The following OPRPN variants were observed in gnomAD, a reference collection of about 807,000 sequenced individuals.
The protein encoded by OPRPN is opiorphin prepropeptide.
OPRPN carries 1 observed loss-of-function variant against 2.2 expected under a neutral mutation model. The observed-to-expected ratio is 0.45, with a 90% CI of 0.16 to 2.15. OPRPN has a LOEUF of 2.15. OPRPN is among the 30% of genes most tolerant of loss of function. OPRPN has a pLI of 0.28. For missense variants in OPRPN, 306 were observed against 297.3 expected (o/e 1.03, Z -0.21); for synonymous variants, 126 against 111.5 (o/e 1.13, Z -0.82).
intron 2 of OPRPN, among the ~76,000 whole-genome samples, chr4:70,405,638 C>G (rs1347169656): frequency 2.6e-5 from 4 of 152,244 alleles, no homozygotes; most frequent in Non-Finnish European, 5.9e-5. Flanking sequence ...ACTTCCATGA[C>G]TTTTCAAACT....
Position 70,399,346 on chromosome 4 carries a change from C to A in OPRPN, c.51+10C>A. On this transcript the variant is annotated intron_variant, in intron 2 of 2. Transcript: ENST00000399575. ...TATTTCATGTTTCACAGTAAGTTCC[C>A]TCAATTCTAAATTTACTTGTTATAT... 1 of 1,571,136 alleles carries A rather than the reference C, an allele frequency of 6.4e-7. No individual in the cohort carries two copies. Among genetic ancestry groups the A allele is most frequent in the Non-Finnish European group, 8.7e-7 (1 of 1,144,414 alleles).
At chr4:70,399,397 A>C in intron 2 of OPRPN, 61 bp downstream of exon 2, 1 of 1,392,554 alleles carries the variant, frequency 7.2e-7, no homozygotes, top group Non-Finnish European at 1.0e-6. Context: ...ATTTCAAAGA[A>C]AGTTTTGATA....
At chr4:70,403,661 C>T (rs1733027683) in intron 2 of OPRPN, among the ~76,000 whole-genome samples, 2 of 152,050 alleles carry the variant, frequency 1.3e-5, no homozygotes. Flanking sequence ...CTATTACTTT[C>T]TCTCTTTTAA....
chr4:70,407,646 G>T (rs1733119170), intron 2 of OPRPN, among the ~76,000 whole-genome samples: 1 of 152,138 alleles, frequency 6.6e-6, no homozygotes, highest in African/African-American at 2.4e-5. Flanking sequence ...AATAAAGAAA[G>T]CTTCAAGGGT....
At chr4:70,406,307 A>G (rs189906450) in intron 2 of OPRPN, among the ~76,000 whole-genome samples, 15 of 152,338 alleles carry the variant, frequency 9.8e-5, no homozygotes, top group African/African-American at 3.6e-4. Context: ...TAAAGACACA[A>G]AGCTAAAGAA....
intron 1 of OPRPN, 37 bp downstream of exon 1, chr4:70,398,077 T>A (rs1411696666): frequency 6.6e-6 from 1 of 151,894 alleles, no homozygotes; most frequent in Non-Finnish European, 1.5e-5. Context: ...GAATTTTCAC[T>A]TCGGAATTCT....
At chr4:70,407,078 T>C (rs1012247690) in intron 2 of OPRPN, among the ~76,000 whole-genome samples, 5 of 152,270 alleles carry the variant, frequency 3.3e-5, no homozygotes, top group Admixed American at 1.3e-4. Context: ...TTACTCACAG[T>C]CCCTGTGTCC....
In OPRPN at chr4:70,399,161, C is replaced by A. The variant is rs866928130; in HGVS notation, c.-15-110C>A. ...ACACATCTTTAAAGGTTATGTTGGT[C>A]TTTCTTCATCATTTTACATAACAAG... On this transcript the variant is annotated intron_variant, in intron 1 of 2. Transcript: ENST00000399575. 24 of 660,562 alleles carry A rather than the reference C, an allele frequency of 3.6e-5. No individual in the cohort carries two copies. In the Middle Eastern group the frequency reaches 3.8e-3, roughly 105 times the overall value. The allele number at this position is 660,562 out of a possible 1,614,324, so 40.9% of individuals were successfully genotyped here.
intron 2 of OPRPN, among the ~76,000 whole-genome samples, chr4:70,401,507 T>G (rs1402484896): frequency 2.6e-5 from 4 of 152,124 alleles, no homozygotes; most frequent in Non-Finnish European, 5.9e-5. Context: ...ATATTTACAA[T>G]GTACTCTGGA....
chr4:70,399,468 C>T, intron 2 of OPRPN, 132 bp downstream of exon 2: 2 of 700,210 alleles, frequency 2.9e-6, no homozygotes, highest in South Asian at 4.1e-5. Context: ...TATGGACTTG[C>T]TCTTACTTTC....
At chr4:70,406,785 C>G (rs868492261) in intron 2 of OPRPN, among the ~76,000 whole-genome samples, 3 of 152,136 alleles carry the variant, frequency 2.0e-5, no homozygotes, top group Non-Finnish European at 4.4e-5. Context: ...GGGTTCCACT[C>G]ACAATATTTA....
At chr4:70,400,404 T>C (rs1044473369) in intron 2 of OPRPN, among the ~76,000 whole-genome samples, 6 of 151,992 alleles carry the variant, frequency 3.9e-5, no homozygotes, top group African/African-American at 1.4e-4. Flanking sequence ...CTGAAGCATA[T>C]AGTGCTATGT....
intron 2 of OPRPN, among the ~76,000 whole-genome samples, chr4:70,403,449 G>A (rs1328451489): frequency 6.6e-6 from 1 of 152,194 alleles, no homozygotes; most frequent in Non-Finnish European, 1.5e-5. Flanking sequence ...TACAGAGACA[G>A]TGAACAAGGC....
chr4:70,407,483 T>C (rs1733114918), intron 2 of OPRPN, among the ~76,000 whole-genome samples: 1 of 152,194 alleles, frequency 6.6e-6, no homozygotes, highest in Non-Finnish European at 1.5e-5. Context: ...TGAAATGACT[T>C]GGAATTTTTG....
intron 2 of OPRPN, among the ~76,000 whole-genome samples, chr4:70,408,226 T>A (rs536055758): frequency 6.6e-6 from 1 of 152,300 alleles, no homozygotes; most frequent in African/African-American, 2.4e-5. Flanking sequence ...AGGAGTTGAA[T>A]GTTGTAGGGG....
rs747669029 is a variant in OPRPN at position 70,409,858 on chromosome 4, C to A, written c.530C>A (p.Ser177Tyr). Residue 177 changes from serine to tyrosine, a missense_variant, in exon 3 of 3, where the codon TCC becomes TAC. Transcript: ENST00000399575. ...ACAAAACCCACAATGACGATCAGCT[C>A]CTCAACAGTACCTATCTCTTCAACA... ...TSTKPTMTISSSTVPISSTPE... is the reference protein window; with the variant it reads ...TSTKPTMTISYSTVPISSTPE... 6.2e-7 allele frequency: 1 copy of A among 1,613,468 alleles called. No individual in the cohort carries two copies.
rs185290575 is a variant in OPRPN at position 70,400,886 on chromosome 4, A to T, written c.51+1550A>T. Among the ~76,000 whole-genome samples, 61 of 152,142 alleles carry T rather than the reference A, an allele frequency of 4.0e-4. 1 individual carries two copies. The highest frequency in any genetic ancestry group is 3.7e-3 in the Admixed American group (56 of 15,234). On this transcript the variant is annotated intron_variant, in intron 2 of 2. Transcript: ENST00000399575. ...TTCAGACTTTATACAATAGATTAGAAGGTAAAGAAAGATCCATGATCAAGT... is the reference window on the plus strand; with the variant it reads ...TTCAGACTTTATACAATAGATTAGATGGTAAAGAAAGATCCATGATCAAGT...
intron 2 of OPRPN, among the ~76,000 whole-genome samples, chr4:70,406,809 A>G (rs1306931563): frequency 2.6e-5 from 4 of 152,108 alleles, no homozygotes; most frequent in Non-Finnish European, 5.9e-5. Context: ...TTGCATTTTT[A>G]GGGCTGCCTT....
intron 2 of OPRPN, among the ~76,000 whole-genome samples, chr4:70,406,139 T>G (rs1733086685): frequency 6.6e-6 from 1 of 152,102 alleles, no homozygotes; most frequent in East Asian, 1.9e-4. Flanking sequence ...ACAGAGACAT[T>G]GTTTGAAGAA....
Sources: allele counts gnomAD v4.1 joint callset (sites outside exome capture counted in the v4.1 genomes callset), GRCh38; gene constraint gnomAD v4.1.1; transcripts MANE v1.5; gene names NCBI Gene and HGNC (gene_info 2026-07-23, HGNC 2026-07-21).